CLVS1: variants seen among roughly 807,000 people sequenced by gnomAD.
CLVS1 encodes clavesin 1, also known as clavesin-1.
CLVS1 carries 10 observed loss-of-function variants against 33.1 expected under a neutral mutation model. The ratio of observed to expected loss-of-function variants is 0.30; its 90% CI spans 0.19 to 0.51. The LOEUF (loss-of-function observed/expected upper bound fraction) is 0.51. CLVS1 is among the 20% of genes least tolerant of loss of function. The pLI is 0.97. For missense variants in CLVS1, 343 were observed against 433.4 expected, an observed-to-expected ratio of 0.79 and a Z score of 1.85; for synonymous variants, 163 against 166.1, an observed-to-expected ratio of 0.98 and a Z score of 0.14.
In CLVS1 at chr8:61,165,731, G is replaced by C. The variant is rs923211072; in HGVS notation, c.-152+33871G>C. 2.0e-5 allele frequency among the ~76,000 whole-genome samples: 3 copies of C among 152,096 alleles called. No homozygotes were observed. The East Asian group carries it at 5.8e-4, about 29-fold the overall frequency. ...AATGTATAAAACTAACCTGCACCCC[G>C]ACCACCTTGGGCACATGTTCTCAGG... On this transcript the variant is annotated intron_variant, in intron 2 of 2. Transcript: ENST00000522621.
At chr8:61,411,717 TG>T (rs2129604082) in intron 3 of CLVS1, among the ~76,000 whole-genome samples, 1 of 152,326 alleles carries the variant, frequency 6.6e-6, no homozygotes, top group South Asian at 2.1e-4. Context: ...GGATGAGCCC[TG>T]GCCTTTCATC....
chr8:61,486,388 A>G (rs1046922393), intron 5 of CLVS1, among the ~76,000 whole-genome samples: 5 of 152,196 alleles, frequency 3.3e-5, no homozygotes, highest in Non-Finnish European at 5.9e-5. Flanking sequence ...GAACTCATCT[A>G]GTTAGTCTTT....
At chr8:61,069,194 C>T (rs1369239039) in intron 1 of CLVS1, among the ~76,000 whole-genome samples, 1 of 152,190 alleles carries the variant, frequency 6.6e-6, no homozygotes, top group African/African-American at 2.4e-5. Context: ...TCTCGAACTC[C>T]TGACCTCAAG....
intron 1 of CLVS1, among the ~76,000 whole-genome samples, chr8:61,111,630 A>G (rs1317811062): frequency 6.6e-6 from 1 of 152,126 alleles, no homozygotes; most frequent in African/African-American, 2.4e-5. Flanking sequence ...ATTTGTTTAA[A>G]TGTGGGCCTC....
At chr8:61,426,366 T>G (rs1332233438) in intron 3 of CLVS1, among the ~76,000 whole-genome samples, 1 of 152,258 alleles carries the variant, frequency 6.6e-6, no homozygotes, top group Non-Finnish European at 1.5e-5. Flanking sequence ...TATGGGCTTA[T>G]AATATTTACT....
chr8:61,313,096 C>G (rs574940628), intron 2 of CLVS1, among the ~76,000 whole-genome samples: 1 of 152,276 alleles, frequency 6.6e-6, no homozygotes, highest in African/African-American at 2.4e-5. Context: ...ACAGTTCCTC[C>G]CATTCAGTCT....
intron 2 of CLVS1, among the ~76,000 whole-genome samples, chr8:61,352,326 A>C (rs988110024): frequency 1.3e-5 from 2 of 152,034 alleles, no homozygotes; most frequent in African/African-American, 4.8e-5. Context: ...AAGTAACTCA[A>C]AGGAAAGGAA....
chr8:61,402,287 A>G (rs1159178249), intron 3 of CLVS1, among the ~76,000 whole-genome samples: 1 of 152,164 alleles, frequency 6.6e-6, no homozygotes, highest in Non-Finnish European at 1.5e-5. Context: ...AGCAAAAAAA[A>G]AGATGTGGGA....
chr8:61,170,984 G>T (rs978530393), intron 2 of CLVS1, among the ~76,000 whole-genome samples: 3 of 152,098 alleles, frequency 2.0e-5, no homozygotes, highest in Non-Finnish European at 4.4e-5. Context: ...TTTGGTAAAA[G>T]ATTTTTGAGT....
chr8:61,241,289 A>G (rs1313474284), intron 2 of CLVS1, among the ~76,000 whole-genome samples: 2 of 152,198 alleles, frequency 1.3e-5, no homozygotes, highest in Admixed American at 6.5e-5. Context: ...TTTCTGCATC[A>G]ATTAAGGTGA....
chr8:61,251,177 T>C (rs1034627928), intron 2 of CLVS1, among the ~76,000 whole-genome samples: 1 of 152,214 alleles, frequency 6.6e-6, no homozygotes, highest in Non-Finnish European at 1.5e-5. Context: ...GATAATCATG[T>C]GGTTTTTGTC....
intron 3 of CLVS1, among the ~76,000 whole-genome samples, chr8:61,442,270 C>G (rs773493819): frequency 7.9e-5 from 12 of 152,104 alleles, no homozygotes; most frequent in Admixed American, 2.6e-4. Context: ...TTGTAGATAT[C>G]GACAGTTTGT....
chr8:61,223,031 T>A (rs1467355487), intron 2 of CLVS1, among the ~76,000 whole-genome samples: 2 of 151,514 alleles, frequency 1.3e-5, no homozygotes, highest in Non-Finnish European at 2.9e-5. Flanking sequence ...ATTTCTTTGG[T>A]AAGTTTTCCT....
chr8:61,100,421 T>G (rs561954431), intron 1 of CLVS1, among the ~76,000 whole-genome samples: 1 of 152,174 alleles, frequency 6.6e-6, no homozygotes, highest in South Asian at 2.1e-4. Context: ...CCAGACATTT[T>G]TTGGATACTC....
At chr8:61,459,929 A>T (rs1817313561) in intron 5 of CLVS1, among the ~76,000 whole-genome samples, 1 of 152,142 alleles carries the variant, frequency 6.6e-6, no homozygotes, top group Non-Finnish European at 1.5e-5. Flanking sequence ...TGCCTTCTCC[A>T]TGCGTCCTTA....
intron 2 of CLVS1, among the ~76,000 whole-genome samples, chr8:61,309,085 A>T (rs1585782655): frequency 6.6e-6 from 1 of 152,328 alleles, no homozygotes; most frequent in East Asian, 1.9e-4. Context: ...TTCCGTGTGT[A>T]TTCGAATGGG....
chr8:61,004,003 G>A, the CLVS1 span, among the ~76,000 whole-genome samples: 2 of 152,210 alleles, frequency 1.3e-5, no homozygotes, highest in Non-Finnish European at 2.9e-5. Flanking sequence ...CATTTGAGCA[G>A]GGATCTGAAT....
chr8:61,237,838 GACAC>G lies in CLVS1; in HGVS notation c.-151-61837_-151-61834del, dbSNP rs1230552229. Among the ~76,000 whole-genome samples the G allele has an allele frequency of 8.5e-5, 13 of 152,160 alleles. No individual in the cohort carries two copies. In the East Asian group the frequency reaches 2.2e-3, roughly 25 times the overall value. On this transcript the variant is annotated intron_variant, in intron 2 of 2. Transcript: ENST00000522621. ...TTCTCCAAATCCACGGGGGTTCAGA[GACAC>G]AGGGAGCCCAGAGGATGTGTGGTGG... is the stretch of plus-strand genomic sequence containing the variant.
chr8:61,435,860 C>G (rs893014917), intron 3 of CLVS1, among the ~76,000 whole-genome samples: 13 of 151,932 alleles, frequency 8.6e-5, no homozygotes, highest in Admixed American at 4.6e-4. Flanking sequence ...TCAGGATTGG[C>G]AAGTTTCATA....
Sources: gnomAD v4.1 joint callset for allele counts (sites outside exome capture counted in the v4.1 genomes callset) on GRCh38, gnomAD v4.1.1 for gene constraint, MANE v1.5 for transcripts, NCBI Gene and HGNC (gene_info 2026-07-23, HGNC 2026-07-21) for gene names.